The following KSR2 variants were observed in gnomAD, a reference collection of about 807,000 sequenced individuals.
KSR2 encodes kinase suppressor of ras 2.
KSR2 carries 25 observed loss-of-function variants against 107.8 expected under a neutral mutation model. The ratio of observed to expected loss-of-function variants is 0.23; its 90% CI spans 0.17 to 0.32. The LOEUF (loss-of-function observed/expected upper bound fraction) is 0.32, where lower values mean the gene tolerates loss of function less well. Ranked by LOEUF, KSR2 falls within the 10% of genes least tolerant of loss-of-function variation. The pLI, the probability that KSR2 is intolerant of heterozygous loss-of-function variation, is 1.00. For synonymous variants in KSR2, 480 were observed against 507.0 expected, an observed-to-expected ratio of 0.95 and a Z score of 0.71; for missense variants, 887 against 1,268.9, an observed-to-expected ratio of 0.70 and a Z score of 4.57.
At chr12:117,472,909 G>C (rs1365263615) in intron 17 of KSR2, among the ~76,000 whole-genome samples, 1 of 152,084 alleles carries the variant, frequency 6.6e-6, no homozygotes, top group Non-Finnish European at 1.5e-5. Context: ...GCCCCTTCCA[G>C]GAACAGCCAA....
intron 1 of KSR2, among the ~76,000 whole-genome samples, chr12:117,864,090 T>C (rs935006357): frequency 2.0e-5 from 3 of 152,040 alleles, no homozygotes; most frequent in African/African-American, 7.3e-5. Flanking sequence ...CCACCACACC[T>C]GTGCACTTAC....
chr12:117,572,072 G>T (rs527387267), intron 7 of KSR2, among the ~76,000 whole-genome samples: 4 of 152,108 alleles, frequency 2.6e-5, no homozygotes, highest in African/African-American at 9.7e-5. Context: ...ACCCATCTCC[G>T]CTCTCCCCCA....
chr12:117,820,343 A>T (rs1194939384), intron 3 of KSR2, among the ~76,000 whole-genome samples: 2 of 152,148 alleles, frequency 1.3e-5, no homozygotes, highest in Non-Finnish European at 2.9e-5. Context: ...GCAGATGCTG[A>T]TTGGATTAGG....
At chr12:117,778,636 A>G (rs1889776109) in intron 3 of KSR2, among the ~76,000 whole-genome samples, 3 of 152,172 alleles carry the variant, frequency 2.0e-5, no homozygotes, top group African/African-American at 7.2e-5. Context: ...TCTGAGAAAC[A>G]GCTGTGCCTC....
intron 10 of KSR2, among the ~76,000 whole-genome samples, chr12:117,535,386 G>A (rs1407007879): frequency 2.0e-5 from 3 of 152,196 alleles, no homozygotes; most frequent in Admixed American, 2.0e-4. Context: ...GGAGGAGACA[G>A]ACACTTAACA....
chr12:117,487,356 C>T (rs1029575115), intron 14 of KSR2, among the ~76,000 whole-genome samples: 10 of 152,272 alleles, frequency 6.6e-5, no homozygotes, highest in Admixed American at 1.3e-4. Flanking sequence ...CTGCTTAAGG[C>T]GACAGTCCCC....
At chr12:117,595,652 C>T (rs963073073) in intron 5 of KSR2, among the ~76,000 whole-genome samples, 3 of 152,208 alleles carry the variant, frequency 2.0e-5, no homozygotes, top group East Asian at 1.9e-4. Flanking sequence ...CGTGAGCCAC[C>T]GCGCCCGGCC....
intron 3 of KSR2, among the ~76,000 whole-genome samples, chr12:117,833,276 G>C (rs1796009761): frequency 6.6e-6 from 1 of 152,210 alleles, no homozygotes; most frequent in Non-Finnish European, 1.5e-5. Context: ...CTAGCACACT[G>C]TAAACGTGGA....
At chr12:117,809,347 G>C (rs939680903) in intron 3 of KSR2, among the ~76,000 whole-genome samples, 7 of 152,012 alleles carry the variant, frequency 4.6e-5, no homozygotes, top group African/African-American at 1.7e-4. Flanking sequence ...GTGTATTGAA[G>C]GATGTTAGGC....
At chr12:117,763,938 T>C (rs1435251828) in intron 3 of KSR2, among the ~76,000 whole-genome samples, 1 of 152,034 alleles carries the variant, frequency 6.6e-6, no homozygotes, top group Non-Finnish European at 1.5e-5. Flanking sequence ...GCCACTTCCA[T>C]GATGGGCCAA....
chr12:117,628,842 C>T (rs1369523036), intron 5 of KSR2, among the ~76,000 whole-genome samples: 2 of 152,272 alleles, frequency 1.3e-5, no homozygotes, highest in African/African-American at 4.8e-5. Flanking sequence ...CCTTGTTGAG[C>T]TGCTGTGGGC....
At chr12:117,612,204 G>A (rs1023947010) in intron 5 of KSR2, among the ~76,000 whole-genome samples, 2 of 152,102 alleles carry the variant, frequency 1.3e-5, no homozygotes, top group Non-Finnish European at 2.9e-5. Flanking sequence ...AGGAGATCAA[G>A]ACCATCCTGG....
intron 7 of KSR2, among the ~76,000 whole-genome samples, chr12:117,573,051 T>C (rs1878999105): frequency 6.6e-6 from 1 of 152,248 alleles, no homozygotes; most frequent in Non-Finnish European, 1.5e-5. Context: ...ACCTATTAGA[T>C]GAAAACGCCT....
chr12:117,673,045 ACT>A (rs1398855085), intron 4 of KSR2, among the ~76,000 whole-genome samples: 1 of 152,332 alleles, frequency 6.6e-6, no homozygotes, highest in East Asian at 1.9e-4. Context: ...GCCTTGAGGC[ACT>A]GAGCTAAGTG....
intron 4 of KSR2, among the ~76,000 whole-genome samples, chr12:117,735,852 C>T (rs1361275132): frequency 7.9e-5 from 12 of 152,120 alleles, no homozygotes; most frequent in Admixed American, 7.9e-4. Flanking sequence ...AAGATACATC[C>T]CCATTAAGAG....
At chr12:117,702,279 A>G (rs747788010) in intron 4 of KSR2, among the ~76,000 whole-genome samples, 8 of 152,174 alleles carry the variant, frequency 5.3e-5, no homozygotes, top group Non-Finnish European at 8.8e-5. Flanking sequence ...AGCCTTTGTC[A>G]GTTCCATTGC....
At chr12:117,601,515 A>C (rs896490189) in intron 5 of KSR2, among the ~76,000 whole-genome samples, 7 of 152,130 alleles carry the variant, frequency 4.6e-5, no homozygotes, top group African/African-American at 1.4e-4. Flanking sequence ...AGGATGCGGG[A>C]ACACAGATAG....
intron 4 of KSR2, among the ~76,000 whole-genome samples, chr12:117,702,745 G>A (rs1886376711): frequency 6.6e-6 from 1 of 152,126 alleles, no homozygotes; most frequent in Non-Finnish European, 1.5e-5. Context: ...CCGAGCCAAA[G>A]TCTCCAATCA....
intron 3 of KSR2, among the ~76,000 whole-genome samples, chr12:117,770,849 C>A (rs1210557134): frequency 1.3e-5 from 2 of 151,386 alleles, no homozygotes; most frequent in Admixed American, 6.6e-5. Flanking sequence ...TGGTGGCGGG[C>A]GCCTATAGTC....
Sources: allele counts gnomAD v4.1 joint callset (sites outside exome capture counted in the v4.1 genomes callset), GRCh38; gene constraint gnomAD v4.1.1; transcripts MANE v1.5; gene names NCBI Gene and HGNC (gene_info 2026-07-23, HGNC 2026-07-21).